Variants in DEPTOR observed in about 807,000 individuals in gnomAD.
The protein encoded by DEPTOR is DEP domain containing MTOR interacting protein, also known as DEP domain-containing mTOR-interacting protein.
Under a neutral mutation model 41.6 loss-of-function variants are expected in DEPTOR, and 41 were observed. The observed-to-expected ratio is 0.98, with a 90% CI of 0.77 to 1.28. DEPTOR has a LOEUF of 1.28. Among genes scored for constraint, DEPTOR ranks in the 50% most tolerant of loss-of-function variants. The probability of loss-of-function intolerance (pLI) is 0.00; values close to 1 mark genes in which losing one functional copy is unlikely to be tolerated. For synonymous variants in DEPTOR, 195 were observed against 192.3 expected, an observed-to-expected ratio of 1.01 and a Z score of -0.12; for missense variants, 514 against 527.9, an observed-to-expected ratio of 0.97 and a Z score of 0.26.
At chr8:119,923,893 CTT>C (rs769960283) in intron 1 of DEPTOR, among the ~76,000 whole-genome samples, 2 of 104,976 alleles carry the variant, frequency 1.9e-5, no homozygotes, top group East Asian at 2.2e-4. Flanking sequence ...TTTTTTCTTT[CTT>C]TTTTTTTTTT....
At chr8:119,935,078 T>C (rs1294275119) in intron 3 of DEPTOR, among the ~76,000 whole-genome samples, 1 of 152,184 alleles carries the variant, frequency 6.6e-6, no homozygotes, top group Non-Finnish European at 1.5e-5. Context: ...CAGGGCACAA[T>C]ACACTTTCAT....
At chr8:120,002,275 G>A (rs1324427700) in intron 5 of DEPTOR, among the ~76,000 whole-genome samples, 1 of 151,936 alleles carries the variant, frequency 6.6e-6, no homozygotes, top group African/African-American at 2.4e-5. Context: ...AAGTAGCTGG[G>A]ACTACAGGCA....
At chr8:119,967,015 A>G (rs1828570795) in intron 4 of DEPTOR, among the ~76,000 whole-genome samples, 1 of 152,138 alleles carries the variant, frequency 6.6e-6, no homozygotes, top group African/African-American at 2.4e-5. Flanking sequence ...TCTCTGCAGC[A>G]TTCATTCCTC....
chr8:119,889,987 C>T (rs116901408), intron 1 of DEPTOR, among the ~76,000 whole-genome samples: 5,781 of 152,166 alleles, frequency 0.038, 173 homozygotes, highest in African/African-American at 0.076. Flanking sequence ...TGTTTTTAGA[C>T]GGAGTCTCAC....
intron 3 of DEPTOR, among the ~76,000 whole-genome samples, chr8:119,952,678 G>A (rs1185499663): frequency 6.6e-6 from 1 of 152,186 alleles, no homozygotes; most frequent in Non-Finnish European, 1.5e-5. Context: ...ATGTGGGTTT[G>A]GTTTTCTGTT....
intron 8 of DEPTOR, among the ~76,000 whole-genome samples, chr8:120,038,497 G>A (rs751174733): frequency 4.6e-5 from 7 of 151,402 alleles, no homozygotes; most frequent in South Asian, 4.2e-4. Flanking sequence ...AGGCTGAGGT[G>A]GGAGGATATA....
At chr8:120,024,387 TA>T (rs1430725447) in intron 8 of DEPTOR, among the ~76,000 whole-genome samples, 1 of 152,182 alleles carries the variant, frequency 6.6e-6, no homozygotes, top group Non-Finnish European at 1.5e-5. Flanking sequence ...GGATGGCTGT[TA>T]GGGGCTGAAT....
intron 1 of DEPTOR, among the ~76,000 whole-genome samples, chr8:119,923,392 T>C (rs1365811931): frequency 1.3e-5 from 2 of 152,036 alleles, no homozygotes; most frequent in Non-Finnish European, 2.9e-5. Flanking sequence ...TACAGCTGTG[T>C]GCCACAACAC....
chr8:119,909,333 G>T (rs548535870), intron 1 of DEPTOR, among the ~76,000 whole-genome samples: 1 of 152,300 alleles, frequency 6.6e-6, no homozygotes, highest in East Asian at 1.9e-4. Flanking sequence ...GAAATCTTTA[G>T]TTACCTAGCT....
intron 8 of DEPTOR, among the ~76,000 whole-genome samples, chr8:120,037,839 C>G (rs188569157): frequency 1.3e-5 from 2 of 152,260 alleles, no homozygotes; most frequent in East Asian, 3.9e-4. Context: ...ATGCCCCTGT[C>G]ACATTCCCCA....
chr8:119,880,420 C>T (rs1400831350), intron 1 of DEPTOR, among the ~76,000 whole-genome samples: 1 of 152,048 alleles, frequency 6.6e-6, no homozygotes, highest in Non-Finnish European at 1.5e-5. Context: ...ATAGATTATT[C>T]AGCCAGAAAG....
chr8:119,916,266 ATTTTTTTTTT>A (rs71304925), intron 1 of DEPTOR, among the ~76,000 whole-genome samples: 3 of 123,294 alleles, frequency 2.4e-5, no homozygotes, highest in Non-Finnish European at 5.0e-5. Context: ...GGCTAGGCTA[ATTTTTTTTTT>A]TTTTTTTTTT....
intron 4 of DEPTOR, among the ~76,000 whole-genome samples, chr8:119,966,584 A>G (rs984999458): frequency 6.6e-6 from 1 of 152,134 alleles, no homozygotes; most frequent in East Asian, 1.9e-4. Context: ...TCCCAGGTTC[A>G]AGTGATTCTC....
At chr8:119,907,758 A>G (rs1563962578) in intron 1 of DEPTOR, among the ~76,000 whole-genome samples, 1 of 151,018 alleles carries the variant, frequency 6.6e-6, no homozygotes, top group Non-Finnish European at 1.5e-5. Flanking sequence ...CTGGCCTGGC[A>G]ACAGAGAGAG....
intron 8 of DEPTOR, among the ~76,000 whole-genome samples, chr8:120,030,602 T>C (rs2130170041): frequency 6.8e-6 from 1 of 146,622 alleles, no homozygotes; most frequent in East Asian, 2.1e-4. Context: ...CGCCTCCTTG[T>C]TTCAAGCAAT....
chr8:120,042,573 CAATGGCACTA>C (rs1311996000), intron 8 of DEPTOR, among the ~76,000 whole-genome samples: 6 of 152,174 alleles, frequency 3.9e-5, no homozygotes, highest in Non-Finnish European at 5.9e-5. Flanking sequence ...GGCTGTAGTG[CAATGGCACTA>C]TCTCGGCTCA....
At chr8:119,878,623 G>A (rs577877943) in intron 1 of DEPTOR, among the ~76,000 whole-genome samples, 4 of 151,832 alleles carry the variant, frequency 2.6e-5, no homozygotes, top group East Asian at 3.9e-4. Flanking sequence ...CACCATGCCC[G>A]GCCAATCCTC....
At chr8:119,999,913 C>A (rs969402909) in intron 4 of DEPTOR, among the ~76,000 whole-genome samples, 14 of 152,096 alleles carry the variant, frequency 9.2e-5, no homozygotes, top group African/African-American at 2.2e-4. Context: ...GTGATAAAAC[C>A]GCACTGAACT....
chr8:120,003,607 C>T (rs1013373923), intron 6 of DEPTOR, among the ~76,000 whole-genome samples: 2 of 148,806 alleles, frequency 1.3e-5, no homozygotes, highest in African/African-American at 5.2e-5. Context: ...CAGCACTTCC[C>T]CAGAATGCAG....
Sources: allele counts gnomAD v4.1 joint callset (sites outside exome capture counted in the v4.1 genomes callset), GRCh38; gene constraint gnomAD v4.1.1; transcripts MANE v1.5; gene names NCBI Gene and HGNC (gene_info 2026-07-23, HGNC 2026-07-21).